ARPP21: variants seen among roughly 807,000 people sequenced by gnomAD.
ARPP21 encodes the protein cAMP-regulated phosphoprotein 21.
ARPP21 carries 69 observed loss-of-function variants against 113.2 expected under a neutral mutation model. The observed-to-expected ratio is 0.61, with a 90% confidence interval of 0.50 to 0.74. ARPP21 has a LOEUF of 0.74. Ranked by LOEUF, ARPP21 falls within the 30% of genes least tolerant of loss-of-function variation. The probability of loss-of-function intolerance (pLI) is 0.00; values close to 1 mark genes in which losing one functional copy is unlikely to be tolerated. For missense variants in ARPP21, 1,070 were observed against 1,037.4 expected (o/e 1.03, Z -0.43); for synonymous variants, 368 against 375.5 (o/e 0.98, Z 0.23).
chr3:35,689,871 T>A (rs2081739415), intron 7 of ARPP21, among the ~76,000 whole-genome samples: 1 of 151,566 alleles, frequency 6.6e-6, no homozygotes, highest in African/African-American at 2.4e-5. Flanking sequence ...ACTTAACAAA[T>A]AAGATAAGGA....
chr3:35,792,413 A>T lies in ARPP21; in HGVS notation c.2169A>T (p.Gly723=). The T allele has an allele frequency of 6.2e-7, 1 of 1,614,056 alleles. No homozygotes were observed. Among genetic ancestry groups the T allele is most frequent in the Non-Finnish European group, 8.5e-7 (1 of 1,179,912 alleles). Residue 723 remains glycine, a synonymous_variant, in exon 20 of 21, where the codon GGA becomes GGT. Transcript: ENST00000684406. The part of the protein sequence containing the change: ...GYQPVLSGQQ[G]FQGLIGVQQP... ...AGCCAGTCTTGTCTGGTCAACAGGGATTCCAAGGCCTAATAGGAGTGCAGC... is the reference window on the plus strand; with the variant it reads ...AGCCAGTCTTGTCTGGTCAACAGGGTTTCCAAGGCCTAATAGGAGTGCAGC...
At chr3:35,762,173 C>A (rs938296342) in intron 19 of ARPP21, among the ~76,000 whole-genome samples, 6 of 148,026 alleles carry the variant, frequency 4.1e-5, no homozygotes, top group Non-Finnish European at 8.9e-5. Flanking sequence ...GAATACATAT[C>A]ATTATTCTTA....
intron 1 of ARPP21, among the ~76,000 whole-genome samples, chr3:35,669,477 A>T (rs924451647): frequency 6.6e-6 from 1 of 152,138 alleles, no homozygotes; most frequent in African/African-American, 2.4e-5. Flanking sequence ...ATTTTATCCT[A>T]GCAATTTCCA....
intron 19 of ARPP21, among the ~76,000 whole-genome samples, chr3:35,780,932 T>C (rs1381148792): frequency 6.6e-6 from 1 of 151,988 alleles, no homozygotes; most frequent in Non-Finnish European, 1.5e-5. Context: ...CAAGCAGTGA[T>C]AATCCAAAGC....
chr3:35,782,919 G>T (rs1441339398), intron 19 of ARPP21, among the ~76,000 whole-genome samples: 1 of 152,042 alleles, frequency 6.6e-6, no homozygotes. Flanking sequence ...CTTCCTGTCT[G>T]GCTGATGTAC....
In ARPP21 at chr3:35,707,044, A is replaced by C. The variant is rs1449320601; in HGVS notation, c.757A>C (p.Lys253Gln). ...GEESQKRFIL[K>Q]RDNSSIDKED... Reference sequence around the variant, plus strand: ...AGAATCCCAGAAGCGGTTTATCTTGAAGCGAGATAACTCTAGTATTGATAA... The same window carrying C: ...AGAATCCCAGAAGCGGTTTATCTTGCAGCGAGATAACTCTAGTATTGATAA... Residue 253 changes from lysine to glutamine, a missense_variant, in exon 10 of 21, where the codon AAG (lysine) becomes CAG (glutamine). Coordinates refer to ENST00000684406, the MANE Select transcript of ARPP21 (RefSeq NM_001385562.1). The C allele has an allele frequency of 6.2e-7, 1 of 1,614,088 alleles. No individual in the cohort carries two copies. Among genetic ancestry groups the C allele is most frequent in the Non-Finnish European group, 8.5e-7 (1 of 1,179,928 alleles).
chr3:35,713,872 T>C (rs1257504731), intron 11 of ARPP21, among the ~76,000 whole-genome samples: 1 of 152,148 alleles, frequency 6.6e-6, no homozygotes, highest in Non-Finnish European at 1.5e-5. Context: ...ATAAACACAA[T>C]CAACCACTTT....
At chr3:35,771,842 A>G (rs2096214560) in intron 19 of ARPP21, among the ~76,000 whole-genome samples, 2 of 152,210 alleles carry the variant, frequency 1.3e-5, no homozygotes, top group Middle Eastern at 3.2e-3. Context: ...TGGCATAATC[A>G]TATAAATTAA....
intron 19 of ARPP21, among the ~76,000 whole-genome samples, chr3:35,746,120 C>T (rs1296347367): frequency 6.6e-6 from 1 of 152,184 alleles, no homozygotes; most frequent in Non-Finnish European, 1.5e-5. Flanking sequence ...CACACTGAGA[C>T]CTTTGGGCTC....
rs114667553 is a variant in ARPP21 at position 35,748,998 on chromosome 3, A to G, written c.2137+5033A>G. Among the ~76,000 whole-genome samples the G allele has an allele frequency of 9.0e-3, 1,369 of 152,204 alleles. 4 individuals carry two copies. The highest frequency in any genetic ancestry group is 0.014 in the African/African-American group (596 of 41,536). ...CCCAGACGTGACTGGTTTTAAGCCC[A>G]TGTGTTAAGCATTTTATTGGAACAA... On this transcript the variant is annotated intron_variant, in intron 19 of 20. Transcript: ENST00000684406.
chr3:35,684,741 G>A (rs1046889647), intron 5 of ARPP21: 2 of 985,094 alleles, frequency 2.0e-6, no homozygotes, highest in African/African-American at 1.7e-5. Context: ...AGAGCATTGA[G>A]AGCACTTTCT....
chr3:35,779,989 G>A (rs1331126751), intron 19 of ARPP21, among the ~76,000 whole-genome samples: 1 of 152,292 alleles, frequency 6.6e-6, no homozygotes, highest in Non-Finnish European at 1.5e-5. Flanking sequence ...AGAGGCAAAG[G>A]GGATAAGAGA....
intron 19 of ARPP21, among the ~76,000 whole-genome samples, chr3:35,746,511 T>C (rs960918624): frequency 7.9e-5 from 12 of 152,316 alleles, no homozygotes; most frequent in African/African-American, 2.4e-4. Flanking sequence ...CATCTTTAAG[T>C]CAAACTATGG....
At chr3:35,758,554 C>A (rs947278846) in intron 19 of ARPP21, among the ~76,000 whole-genome samples, 2 of 151,476 alleles carry the variant, frequency 1.3e-5, no homozygotes, top group Non-Finnish European at 1.5e-5. Context: ...ACAAAGGAGA[C>A]GGTTTCCTTA....
chr3:35,707,552 G>A (rs2089629435), intron 10 of ARPP21: 1 of 457,304 alleles, frequency 2.2e-6, no homozygotes, highest in African/African-American at 2.0e-5. Flanking sequence ...GTGAGGACAG[G>A]TGGATTTTGC....
intron 1 of ARPP21, among the ~76,000 whole-genome samples, chr3:35,673,612 T>C (rs1343825351): frequency 6.6e-6 from 1 of 152,004 alleles, no homozygotes; most frequent in Non-Finnish European, 1.5e-5. Context: ...CTAATGTATA[T>C]ATAGGAGTAA....
intron 19 of ARPP21, among the ~76,000 whole-genome samples, chr3:35,751,395 A>G (rs1452693917): frequency 6.6e-6 from 1 of 152,158 alleles, no homozygotes; most frequent in African/African-American, 2.4e-5. Context: ...CTAAAAATGC[A>G]TAGTATTGCA....
chr3:35,651,355 G>A (rs1044076024), intron 1 of ARPP21, among the ~76,000 whole-genome samples: 10 of 152,024 alleles, frequency 6.6e-5, no homozygotes, highest in African/African-American at 1.9e-4. Flanking sequence ...ACCTGTAAGC[G>A]ACAGGATTAT....
chr3:35,779,194 T>C (rs754709574), intron 19 of ARPP21, among the ~76,000 whole-genome samples: 4 of 152,178 alleles, frequency 2.6e-5, no homozygotes, highest in Non-Finnish European at 5.9e-5. Context: ...AAAAGATGTA[T>C]TCTCCGGGTT....
Sources: gnomAD v4.1 joint callset for allele counts (sites outside exome capture counted in the v4.1 genomes callset) on GRCh38, gnomAD v4.1.1 for gene constraint, MANE v1.5 for transcripts, NCBI Gene and HGNC (gene_info 2026-07-23, HGNC 2026-07-21) for gene names.